The following SNX6 variants were observed in gnomAD, a reference collection of about 807,000 sequenced individuals.
The protein encoded by SNX6 is sorting nexin-6.
A neutral mutation model predicts 63.0 loss-of-function variants in SNX6; 34 were observed. That is an observed-to-expected ratio of 0.54 (90% CI 0.41 to 0.72). The LOEUF is 0.72. Ranked by LOEUF, SNX6 falls within the 30% of genes least tolerant of loss-of-function variation. The pLI is 0.00. For synonymous variants in SNX6, 170 were observed against 164.2 expected (o/e 1.04, Z -0.27); for missense variants, 398 against 471.4 (o/e 0.84, Z 1.44).
At chr14:34,607,594 A>G (rs1883071482) in intron 4 of SNX6, among the ~76,000 whole-genome samples, 1 of 151,982 alleles carries the variant, frequency 6.6e-6, no homozygotes, top group Non-Finnish European at 1.5e-5. Flanking sequence ...TGAGCAACAC[A>G]AGTGAGACTC....
intron 11 of SNX6, 67 bp from the exon 12 acceptor site, chr14:34,568,080 ACT>A (rs1881271174): frequency 7.6e-7 from 1 of 1,313,134 alleles, no homozygotes; most frequent in Non-Finnish European, 1.1e-6. Flanking sequence ...CCCAGCCACC[ACT>A]GTCACCACCA....
intron 11 of SNX6, among the ~76,000 whole-genome samples, chr14:34,570,386 T>A (rs958105167): frequency 2.6e-5 from 4 of 151,090 alleles, no homozygotes; most frequent in Admixed American, 6.6e-5. Flanking sequence ...TTTTTTTTTT[T>A]AAATGAAGGC....
At chr14:34,590,288 C>T (rs976487188) in intron 8 of SNX6, among the ~76,000 whole-genome samples, 11 of 151,600 alleles carry the variant, frequency 7.3e-5, no homozygotes, top group Non-Finnish European at 1.6e-4. Context: ...ATTAGCCGGG[C>T]GTGGTGGCGG....
intron 11 of SNX6, among the ~76,000 whole-genome samples, chr14:34,572,004 G>A (rs975485757): frequency 2.4e-4 from 36 of 151,998 alleles, no homozygotes; most frequent in African/African-American, 8.2e-4. Flanking sequence ...ATTTCTCTTG[G>A]GTAAATACCT....
chr14:34,604,415 G>T, intron 5 of SNX6: 2 of 546,812 alleles, frequency 3.7e-6, no homozygotes, highest in Non-Finnish European at 5.0e-6. Flanking sequence ...TTGCAACTAA[G>T]ACCTGCTTTG....
chr14:34,588,585 C>A (rs72675208), intron 8 of SNX6, among the ~76,000 whole-genome samples: 2,612 of 152,166 alleles, frequency 0.017, 37 homozygotes, highest in Non-Finnish European at 0.023. Context: ...GCATAAAAAA[C>A]CAAATAATCA....
intron 2 of SNX6, among the ~76,000 whole-genome samples, chr14:34,619,405 G>C (rs1248627426): frequency 6.6e-6 from 1 of 151,272 alleles, no homozygotes; most frequent in Admixed American, 6.6e-5. Context: ...CTCGGTAACA[G>C]AACACAACTC....
At chr14:34,609,886 T>C (rs1382617623) in intron 2 of SNX6, 144 bp from the exon 3 acceptor site, 4 of 578,518 alleles carry the variant, frequency 6.9e-6, no homozygotes, top group African/African-American at 1.9e-5. Context: ...ACATACATAC[T>C]ATATACATTT....
chr14:34,564,991 A>G (rs1391113293), intron 13 of SNX6, among the ~76,000 whole-genome samples: 2 of 152,102 alleles, frequency 1.3e-5, no homozygotes, highest in African/African-American at 2.4e-5. Context: ...GCATAAATGA[A>G]TGAACTTGGC....
chr14:34,567,494 A>G (rs1372272287), intron 13 of SNX6, among the ~76,000 whole-genome samples, 192 bp downstream of exon 13: 5 of 152,184 alleles, frequency 3.3e-5, no homozygotes, highest in African/African-American at 9.7e-5. Flanking sequence ...TCTCAAAAAA[A>G]CAAAACAAAA....
At chr14:34,577,627 C>T (rs377516144) in intron 10 of SNX6, among the ~76,000 whole-genome samples, 1 of 151,946 alleles carries the variant, frequency 6.6e-6, no homozygotes, top group African/African-American at 2.4e-5. Flanking sequence ...TTCAGTATGA[C>T]GGGACAGAGG....
Position 34,575,817 on chromosome 14 carries a change from T to C in SNX6, c.860A>G (p.Asp287Gly). The change falls in exon 11 of 14, where the codon GAT becomes GGT. Residue 287 changes from aspartate (D) to glycine (G), a missense_variant. By Grantham distance (94) the Asp-to-Gly change is moderately conservative. Transcript: ENST00000362031. ...AAGATCAGAAAGTTTGAGGTCTTCATCAGCAGACACTCGTGCTTCTATTTT... is the reference window on the plus strand; with the variant it reads ...AAGATCAGAAAGTTTGAGGTCTTCACCAGCAGACACTCGTGCTTCTATTTT... ...TRKIEARVSA[D>G]EDLKLSDLLK... The C allele has an allele frequency of 6.3e-7, 1 of 1,593,672 alleles. No individual in the cohort carries two copies. Among genetic ancestry groups the C allele is most frequent in the Non-Finnish European group, 8.6e-7 (1 of 1,169,520 alleles).
rs112704346 is a variant in SNX6 at position 34,576,084 on chromosome 14, C to T, written c.835-242G>A. ...GACTACAGGCGCCCGCCACCACGCC[C>T]GGCTATTTTTTTTGTATTTTTTAGT... On this transcript the variant is annotated intron_variant, in intron 10 of 13. Coordinates refer to ENST00000362031, the MANE Select transcript of SNX6 (RefSeq NM_152233.4). 1.4e-3 allele frequency among the ~76,000 whole-genome samples: 211 copies of T among 151,638 alleles called. 1 individual carries two copies. The highest frequency in any genetic ancestry group is 4.6e-3 in the African/African-American group (192 of 41,430).
At chr14:34,623,413 G>A (rs529330323) in intron 2 of SNX6, among the ~76,000 whole-genome samples, 2 of 152,262 alleles carry the variant, frequency 1.3e-5, no homozygotes, top group East Asian at 3.9e-4. Flanking sequence ...AGAGTTGAAT[G>A]TTAGCCTAAG....
At chr14:34,589,962 C>T (rs952426569) in intron 8 of SNX6, among the ~76,000 whole-genome samples, 2 of 151,972 alleles carry the variant, frequency 1.3e-5, no homozygotes, top group Non-Finnish European at 2.9e-5. Flanking sequence ...TCAGCAGCAA[C>T]AACAAAAATT....
At chr14:34,609,035 A>G (rs1883123100) in intron 3 of SNX6, among the ~76,000 whole-genome samples, 1 of 151,990 alleles carries the variant, frequency 6.6e-6, no homozygotes, top group African/African-American at 2.4e-5. Flanking sequence ...CTCAAAAAAA[A>G]TAGTAATAAT....
rs1188067663 is a variant in SNX6 at position 34,605,686 on chromosome 14, T to C, written c.302A>G (p.Asp101Gly). The stretch of plus-strand genomic sequence containing the variant: ...CTTCTGTAGTTTTTCCCTTGAAGCA[T>C]CAAAATCAGGTCTTGGTGGTGCTGG... ...IPPAPPRPDF[D>G]ASREKLQKLG... The change falls in exon 5 of 14, where the codon GAT (aspartate) becomes GGT (glycine). Residue 101 changes from aspartate to glycine, a missense_variant. Asp to Gly is a moderately conservative substitution (Grantham distance 94). Transcript: ENST00000362031. 6.2e-7 allele frequency: 1 copy of C among 1,610,564 alleles called. No individual in the cohort carries two copies. Among genetic ancestry groups the C allele is most frequent in the Non-Finnish European group, 8.5e-7 (1 of 1,178,932 alleles).
intron 6 of SNX6, among the ~76,000 whole-genome samples, chr14:34,600,672 G>T (rs1284519720): frequency 5.3e-5 from 8 of 152,088 alleles, no homozygotes; most frequent in Admixed American, 4.6e-4. Flanking sequence ...TCCAAACACA[G>T]GTTCCAAGAT....
intron 9 of SNX6, 66 bp downstream of exon 9, chr14:34,586,164 G>C: frequency 1.0e-6 from 1 of 960,340 alleles, no homozygotes; most frequent in South Asian, 1.4e-5. Flanking sequence ...GCCTCCCAAA[G>C]TGCTGGGATT....
Sources: gnomAD v4.1 joint callset for allele counts (sites outside exome capture counted in the v4.1 genomes callset) on GRCh38, gnomAD v4.1.1 for gene constraint, MANE v1.5 for transcripts, NCBI Gene and HGNC (gene_info 2026-07-23, HGNC 2026-07-21) for gene names.